Variants in FN3K observed in about 807,000 individuals in gnomAD.
FN3K encodes fructosamine-3-kinase.
Under a neutral mutation model 24.8 loss-of-function variants are expected in FN3K, and 24 were observed. The ratio of observed to expected loss-of-function variants is 0.97; its 90% CI spans 0.70 to 1.36. FN3K has a LOEUF of 1.36. FN3K is among the 40% of genes most tolerant of loss of function. The pLI, the probability that FN3K is intolerant of heterozygous loss-of-function variation, is 0.00. For missense variants in FN3K, 449 were observed against 416.7 expected, an observed-to-expected ratio of 1.08 and a Z score of -0.67; for synonymous variants, 192 against 175.2, an observed-to-expected ratio of 1.10 and a Z score of -0.76.
At position 82,748,898 on chromosome 17, in the gene FN3K, AC is replaced by A. The variant is rs778085110; in HGVS notation, c.514del (p.Arg172GlyfsTer27). 16 of 1,613,866 alleles carry A rather than the reference AC, an allele frequency of 9.9e-6. No individual in the cohort carries two copies. The highest frequency in any genetic ancestry group is 1.4e-5 in the Non-Finnish European group (16 of 1,180,016). On this transcript the variant is annotated frameshift_variant, in exon 5 of 6. Coordinates refer to ENST00000300784, the MANE Select transcript of FN3K (RefSeq NM_022158.4). LOFTEE classifies it high-confidence loss of function. ...QDDWPTFFAR[H>X]RLQAQLDLIE... Reference sequence around the variant, plus strand: ...GACTGGCCGACCTTTTTCGCCCGGCACCGGCTCCAGGCGCAGCTGGACCTCA... The same window carrying A: ...GACTGGCCGACCTTTTTCGCCCGGCACGGCTCCAGGCGCAGCTGGACCTCA...
chr17:82,735,878 AGG>A, intron 1 of FN3K, 101 bp downstream of exon 1: 2 of 1,468,264 alleles, frequency 1.4e-6, no homozygotes, highest in Non-Finnish European at 1.8e-6. Flanking sequence ...GGGCCTGGGG[AGG>A]GGTCAGCTTT....
At chr17:82,739,994 C>G (rs563119146) in intron 2 of FN3K, among the ~76,000 whole-genome samples, 4 of 152,158 alleles carry the variant, frequency 2.6e-5, no homozygotes, top group Non-Finnish European at 5.9e-5. Flanking sequence ...AGCTCTGCCT[C>G]TTGGGCTCAA....
intron 4 of FN3K, 24 bp from the exon 5 acceptor site, chr17:82,748,831 G>A: frequency 1.2e-6 from 2 of 1,607,572 alleles, no homozygotes; most frequent in Non-Finnish European, 1.7e-6. Flanking sequence ...TTGCAACAGT[G>A]GCCTCTTTTC....
In FN3K at chr17:82,750,798, T is replaced by TCTCCCC; in HGVS notation, c.*44_*49dup. The TCTCCCC allele has an allele frequency of 6.9e-7, 1 of 1,440,920 alleles. No homozygotes were observed. The highest frequency in any genetic ancestry group is 9.2e-7 in the Non-Finnish European group (1 of 1,084,634). The allele number at this position is 1,440,920 out of a possible 1,614,324, so 89.3% of individuals were successfully genotyped here. On this transcript the variant is annotated 3_prime_UTR_variant, in exon 6 of 6. Coordinates refer to ENST00000300784, the MANE Select transcript of FN3K (RefSeq NM_022158.4). ...TCCCCTGTCCCCGTCCCCGTCTCCG[T>TCTCCCC]CTCCCCGTCCCTGTCCCCCCGTCCC... is the stretch of plus-strand genomic sequence containing the variant.
chr17:82,750,358 G>A, intron 5 of FN3K, 59 bp from the exon 6 acceptor site: 3 of 1,449,112 alleles, frequency 2.1e-6, no homozygotes, highest in Non-Finnish European at 2.9e-6. Context: ...TTCCAAGAAC[G>A]AGGTGATGAG....
chr17:82,736,929 C>T (rs1023876489), intron 1 of FN3K, among the ~76,000 whole-genome samples: 1 of 152,172 alleles, frequency 6.6e-6, no homozygotes, highest in African/African-American at 2.4e-5. Context: ...TTCCCTCCCA[C>T]CCCCACGAGG....
intron 4 of FN3K, among the ~76,000 whole-genome samples, chr17:82,748,165 T>G (rs1433349288): frequency 6.6e-6 from 1 of 151,894 alleles, no homozygotes; most frequent in Non-Finnish European, 1.5e-5. Flanking sequence ...TTTTTTTTTT[T>G]GAGATAGAGT....
intron 1 of FN3K, chr17:82,736,055 T>TGG (rs1419249659): frequency 4.8e-6 from 2 of 420,338 alleles, no homozygotes; most frequent in Non-Finnish European, 8.7e-6. Context: ...ATGTGAGGCT[T>TGG]GGGGTCCTTG....
intron 2 of FN3K, among the ~76,000 whole-genome samples, chr17:82,740,420 C>CAAAAAAAAA (rs71369031): frequency 5.5e-5 from 4 of 73,130 alleles, no homozygotes; most frequent in Admixed American, 1.7e-4. Context: ...CCCATCTCTA[C>CAAAAAAAAA]AAAAAAAAAA....
intron 4 of FN3K, among the ~76,000 whole-genome samples, chr17:82,746,006 A>G (rs2046966455): frequency 1.4e-5 from 2 of 148,122 alleles, no homozygotes; most frequent in Admixed American, 1.4e-4. Flanking sequence ...AGGCAGGAGA[A>G]TGGCGTGAAC....
rs767513424 is a variant in FN3K, at chr17:82,738,600, G to A, written c.253G>A (p.Ala85Thr). 8.1e-6 allele frequency: 13 copies of A among 1,613,944 alleles called. No individual in the cohort carries two copies. In the Admixed American group the frequency reaches 1.0e-4, roughly 12 times the overall value. ...KVIDLPGGGA[A>T]FVMEHLKMKS... ...CATCGACCTGCCGGGAGGTGGGGCC[G>A]CCTTTGTGATGGAGCATTTGAAGAT... The change falls in exon 2 of 6, where the codon GCC (alanine) becomes ACC (threonine). Residue 85 changes from alanine to threonine, a missense_variant. Coordinates refer to ENST00000300784, the MANE Select transcript of FN3K (RefSeq NM_022158.4).
chr17:82,747,378 C>T (rs2046974171), intron 4 of FN3K, among the ~76,000 whole-genome samples: 1 of 152,088 alleles, frequency 6.6e-6, no homozygotes, highest in South Asian at 2.1e-4. Context: ...TTGAGGATTT[C>T]CCAGAATTTT....
At chr17:82,744,187 G>A (rs1290576488) in intron 4 of FN3K, among the ~76,000 whole-genome samples, 1 of 152,214 alleles carries the variant, frequency 6.6e-6, no homozygotes, top group Non-Finnish European at 1.5e-5. Flanking sequence ...GCACCCATGT[G>A]CAGGGAGATT....
chr17:82,744,969 G>C (rs967397098), intron 4 of FN3K: 1 of 152,164 alleles, frequency 6.6e-6, no homozygotes, highest in Non-Finnish European at 1.5e-5. Context: ...GTTTTATACC[G>C]AGACATTCCA....
chr17:82,735,802 G>T, intron 1 of FN3K, 25 bp downstream of exon 1: 18 of 1,549,380 alleles, frequency 1.2e-5, no homozygotes, highest in Non-Finnish European at 1.6e-5. Flanking sequence ...GCAGGCGGGG[G>T]CTCTGCGGGT....
At position 82,749,058 on chromosome 17, in the gene FN3K, C is replaced by T. The variant is rs114663994; in HGVS notation, c.591+81C>T. 1.7e-3 allele frequency: 2,673 copies of T among 1,590,520 alleles called. 40 individuals carry two copies. In the African/African-American group the frequency reaches 0.032, roughly 19 times the overall value. On this transcript the variant is annotated intron_variant, in intron 5 of 5. Transcript: ENST00000300784. ...CATTTGTGCGGGTTCATCTGTAAAA[C>T]GGAGCTGGAGCAGGGAACACTGAGT...
chr17:82,749,387 G>A (rs1330567074), intron 5 of FN3K: 7 of 336,470 alleles, frequency 2.1e-5, no homozygotes, highest in South Asian at 2.4e-5. Flanking sequence ...ACTCTCGGCC[G>A]GGCACAGTGG....
In FN3K at chr17:82,749,451, G is replaced by T. The variant is rs1049936078; in HGVS notation, c.591+474G>T. On this transcript the variant is annotated intron_variant, in intron 5 of 5. Transcript: ENST00000300784. ...GGCCTAGGTGGGCAGATCACTTGAG[G>T]TCAGGAGTTTGAGACCAGCCTGGCC... The T allele has an allele frequency of 2.1e-5, 6 of 282,868 alleles. No individual in the cohort carries two copies. In the Admixed American group the frequency reaches 2.9e-4, roughly 14 times the overall value. The allele number at this position is 282,868 out of a possible 1,614,324, so 17.5% of individuals were successfully genotyped here. A position where few individuals can be genotyped will look rare whatever the true frequency, so the allele number is the denominator to read the frequency against.
At chr17:82,737,416 C>T (rs11870767) in intron 1 of FN3K, among the ~76,000 whole-genome samples, 6,507 of 151,962 alleles carry the variant, frequency 0.043, 293 homozygotes, top group African/African-American at 0.11. Flanking sequence ...CTGCGCCTCC[C>T]GGTTCACTCC....
Sources: allele counts gnomAD v4.1 joint callset (sites outside exome capture counted in the v4.1 genomes callset), GRCh38; gene constraint gnomAD v4.1.1; transcripts MANE v1.5; gene names NCBI Gene and HGNC (gene_info 2026-07-23, HGNC 2026-07-21).